FAM221A: variants seen among roughly 807,000 people sequenced by gnomAD.
The protein encoded by FAM221A is protein FAM221A.
FAM221A carries 43 observed loss-of-function variants against 37.6 expected under a neutral mutation model. The ratio of observed to expected loss-of-function variants is 1.15; its 90% CI spans 0.90 to 1.48. FAM221A has a LOEUF of 1.48. Among genes scored for constraint, FAM221A ranks in the 40% most tolerant of loss-of-function variants. The pLI is 0.00. For missense variants in FAM221A, 361 were observed against 361.5 expected (o/e 1.00, Z 0.01); for synonymous variants, 135 against 132.9 (o/e 1.02, Z -0.11).
intron 1 of FAM221A, among the ~76,000 whole-genome samples, chr7:23,681,917 C>A (rs1295129825): frequency 2.0e-5 from 3 of 152,018 alleles, no homozygotes; most frequent in African/African-American, 4.8e-5. Context: ...AAGAGTTTTC[C>A]TGGATTTGCT....
intron 3 of FAM221A, 140 bp from the exon 4 acceptor site, chr7:23,691,250 A>G: frequency 1.5e-6 from 1 of 674,954 alleles, no homozygotes; most frequent in Middle Eastern, 4.2e-4. Flanking sequence ...AACAGTGGCT[A>G]GGAAGGAGTT....
At chr7:23,697,754 C>A (rs1170235997) in intron 4 of FAM221A, among the ~76,000 whole-genome samples, 2 of 152,052 alleles carry the variant, frequency 1.3e-5, no homozygotes, top group South Asian at 2.1e-4. Flanking sequence ...ATATGTCAGA[C>A]AAAAATCTAA....
Position 23,702,325 on chromosome 7 carries a change from C to G in FAM221A, c.*161C>G. On this transcript the variant is annotated 3_prime_UTR_variant, in exon 7 of 7. Transcript: ENST00000344962. ...AATTTATTTAAATAACTAAAAATGC[C>G]TATTACTTTTGTCAAAACTCATAAT... is the stretch of plus-strand genomic sequence containing the variant. 2.3e-6 allele frequency: 1 copy of G among 428,768 alleles called. No individual in the cohort carries two copies. The highest frequency in any genetic ancestry group is 4.2e-6 in the Non-Finnish European group (1 of 240,658). 26.6% of individuals were successfully genotyped at this position (428,768 alleles called of 1,614,324 possible).
intron 2 of FAM221A, chr7:23,687,834 G>C (rs1784460023): frequency 6.6e-6 from 1 of 151,410 alleles, no homozygotes; most frequent in Non-Finnish European, 1.5e-5. Context: ...AGTAGAGATG[G>C]GGTTTTCATC....
intron 2 of FAM221A, among the ~76,000 whole-genome samples, chr7:23,685,303 A>C (rs1040458779): frequency 1.3e-4 from 17 of 133,938 alleles, no homozygotes; most frequent in East Asian, 2.3e-4. Flanking sequence ...AAAACAAAAC[A>C]AAACCCCACA....
rs2128053655 is a variant in FAM221A, at chr7:23,702,363, A to G, written c.*199A>G. The G allele has an allele frequency of 5.6e-6, 2 of 354,776 alleles. No individual in the cohort carries two copies. Among genetic ancestry groups the G allele is most frequent in the South Asian group, 8.2e-5 (1 of 12,132 alleles). 22.0% of individuals were successfully genotyped at this position (354,776 alleles called of 1,614,324 possible). ...CAAAACTCATAATTTACTACTTTGT[A>G]TGTACCTTTCTTTCTCCTGACAAAT... On this transcript the variant is annotated 3_prime_UTR_variant, in exon 7 of 7. Coordinates refer to ENST00000344962, the MANE Select transcript of FAM221A (RefSeq NM_199136.5).
At chr7:23,692,839 T>C (rs1217165334) in intron 4 of FAM221A, 1 of 734,262 alleles carries the variant, frequency 1.4e-6, no homozygotes, top group Non-Finnish European at 1.7e-6. Flanking sequence ...AAATTATTTG[T>C]ATTTATTGTT....
chr7:23,695,624 C>T (rs987318087), intron 4 of FAM221A, among the ~76,000 whole-genome samples: 4 of 152,174 alleles, frequency 2.6e-5, no homozygotes, highest in African/African-American at 4.8e-5. Context: ...CTGCCCGCCT[C>T]GGCCTCCCAA....
At chr7:23,681,190 C>T (rs1331499416) in intron 1 of FAM221A, among the ~76,000 whole-genome samples, 2 of 152,102 alleles carry the variant, frequency 1.3e-5, no homozygotes, top group Non-Finnish European at 2.9e-5. Context: ...GTTCCCACGC[C>T]CGGTTCAGGG....
Position 23,691,517 on chromosome 7 carries a change from T to A in FAM221A, c.558T>A (p.Ile186=), listed in dbSNP as rs761140613. 6.2e-7 allele frequency: 1 copy of A among 1,614,136 alleles called. No individual in the cohort carries two copies. Among genetic ancestry groups the A allele is most frequent in the South Asian group, 1.1e-5 (1 of 91,090 alleles). ...LAQEKPVGQD[I]PYAAMGGLTG... ...AGGAAAAACCAGTGGGACAGGACAT[T>A]CCTTATGCAGCCATGGGAGGATTAA... The change falls in exon 4 of 7, where the codon ATT becomes ATA. Residue 186 remains isoleucine, a synonymous_variant. Transcript: ENST00000344962.
At chr7:23,682,885 G>T (rs1216901266) in intron 1 of FAM221A, among the ~76,000 whole-genome samples, 1 of 152,134 alleles carries the variant, frequency 6.6e-6, no homozygotes, top group East Asian at 1.9e-4. Flanking sequence ...TGGTATTCTT[G>T]ATAGCTACAA....
chr7:23,690,338 G>C (rs1373415956), intron 3 of FAM221A, among the ~76,000 whole-genome samples: 1 of 151,282 alleles, frequency 6.6e-6, no homozygotes, highest in African/African-American at 2.4e-5. Context: ...CCAAGTAGCT[G>C]AGATTATAGG....
intron 1 of FAM221A, 128 bp downstream of exon 1, chr7:23,680,411 G>A (rs1423150642): frequency 1.9e-5 from 13 of 692,174 alleles, no homozygotes; most frequent in Non-Finnish European, 2.9e-5. Context: ...GGCTGTTGGG[G>A]GAGGCCTAGA....
rs79245128 is a variant in FAM221A, at chr7:23,694,931, A to T, written c.638-3261A>T. The T allele has an allele frequency of 5.7e-3, 869 of 152,312 alleles. 14 individuals are homozygous for T. Among genetic ancestry groups the T allele is most frequent in the African/African-American group, 0.02 (813 of 41,580 alleles). The allele number at this position is 152,312 out of a possible 1,614,324, so 9.4% of individuals were successfully genotyped here. ...TTGTTAAGGTATTATAAACTCTGTTATTTTAATTGAGATCACATTGAATAT... is the reference window on the plus strand; with the variant it reads ...TTGTTAAGGTATTATAAACTCTGTTTTTTTAATTGAGATCACATTGAATAT... On this transcript the variant is annotated intron_variant, in intron 4 of 6. Transcript: ENST00000344962.
At chr7:23,683,867 A>G (rs1362813903) in intron 1 of FAM221A, among the ~76,000 whole-genome samples, 2 of 152,234 alleles carry the variant, frequency 1.3e-5, no homozygotes, top group Admixed American at 1.3e-4. Context: ...AAGGCCTGGA[A>G]GATATCGCCA....
intron 4 of FAM221A, chr7:23,694,322 A>G (rs1425979890): frequency 6.6e-6 from 1 of 152,098 alleles, no homozygotes; most frequent in Non-Finnish European, 1.5e-5. Context: ...CTGGTGTGTC[A>G]TGATATTTGA....
At chr7:23,689,527 C>T in intron 3 of FAM221A, 68 bp downstream of exon 3, 1 of 1,193,336 alleles carries the variant, frequency 8.4e-7, no homozygotes, top group Non-Finnish European at 1.1e-6. Flanking sequence ...ATTTAACGTG[C>T]TTTTTTACTG....
intron 1 of FAM221A, among the ~76,000 whole-genome samples, chr7:23,682,756 G>A (rs573853474): frequency 6.6e-6 from 1 of 151,964 alleles, no homozygotes; most frequent in Non-Finnish European, 1.5e-5. Flanking sequence ...GATCCCCTGG[G>A]GATTCTGTAA....
chr7:23,695,678 T>G (rs1322294442), intron 4 of FAM221A, among the ~76,000 whole-genome samples: 1 of 152,360 alleles, frequency 6.6e-6, no homozygotes, highest in Non-Finnish European at 1.5e-5. Flanking sequence ...TGGCCAATTT[T>G]TTTTCATTGG....
Sources: allele counts gnomAD v4.1 joint callset (sites outside exome capture counted in the v4.1 genomes callset), GRCh38; gene constraint gnomAD v4.1.1; transcripts MANE v1.5; gene names NCBI Gene and HGNC (gene_info 2026-07-23, HGNC 2026-07-21).